Variants in HMGB1 observed in about 807,000 individuals in gnomAD.
The protein encoded by HMGB1 is high mobility group protein B1.
For synonymous variants in HMGB1, 81 were observed against 84.0 expected (o/e 0.96, Z 0.19); for missense variants, 79 against 253.5 (o/e 0.31, Z 4.67).
intron 1 of HMGB1, among the ~76,000 whole-genome samples, chr13:30,572,335 T>C (rs74438500): frequency 0.01 from 1,557 of 152,342 alleles, 33 homozygotes; most frequent in African/African-American, 0.035. Context: ...TGTAATGACA[T>C]TGGAATTGAT....
At chr13:30,480,949 A>G (rs934440127) in intron 1 of HMGB1, among the ~76,000 whole-genome samples, 5 of 151,838 alleles carry the variant, frequency 3.3e-5, no homozygotes, top group African/African-American at 1.2e-4. Flanking sequence ...TCCCAAGCAG[A>G]AGAATGGATT....
At chr13:30,594,840 G>T (rs1361868911) in intron 1 of HMGB1, among the ~76,000 whole-genome samples, 2 of 152,160 alleles carry the variant, frequency 1.3e-5, no homozygotes, top group East Asian at 3.9e-4. Context: ...GCGTGTAAGT[G>T]TTCCCTTTTC....
intron 1 of HMGB1, among the ~76,000 whole-genome samples, chr13:30,613,759 T>C (rs941298847): frequency 6.6e-6 from 1 of 152,134 alleles, no homozygotes; most frequent in African/African-American, 2.4e-5. Flanking sequence ...TATACAATAC[T>C]GGCATGGAGA....
At chr13:30,505,610 C>CATTTTTA (rs1887845756) in intron 1 of HMGB1, among the ~76,000 whole-genome samples, 11 of 151,940 alleles carry the variant, frequency 7.2e-5, no homozygotes, top group African/African-American at 2.2e-4. Context: ...CATGCCCGAC[C>CATTTTTA]TATTTTTCAA....
Position 30,497,126 on chromosome 13 carries a change from C to G in HMGB1, c.-14-33432G>C, listed in dbSNP as rs188531110. On this transcript the variant is annotated intron_variant, in intron 1 of 4. Coordinates refer to the HMGB1 transcript ENST00000405805. ...CGCTGGCTCCTTCCTCTTCACGTTT[C>G]ACTGTAACCAGGACCCTTCAATGCA... Among the ~76,000 whole-genome samples, 1,183 of 152,226 alleles carry G rather than the reference C, an allele frequency of 7.8e-3. 6 individuals carry two copies. Among genetic ancestry groups the G allele is most frequent in the Middle Eastern group, 0.034 (10 of 294 alleles).
intron 1 of HMGB1, chr13:30,542,977 C>T (rs1201611876): frequency 6.5e-6 from 1 of 152,774 alleles, no homozygotes; most frequent in Non-Finnish European, 1.5e-5. Flanking sequence ...TTCCTTTCCG[C>T]CAAGGTGCAC....
At chr13:30,494,902 G>A (rs367570484) in intron 1 of HMGB1, among the ~76,000 whole-genome samples, 94 of 152,028 alleles carry the variant, frequency 6.2e-4, no homozygotes, top group African/African-American at 2.1e-3. Context: ...ATATTCCACC[G>A]CATATAAGAG....
intron 1 of HMGB1, among the ~76,000 whole-genome samples, chr13:30,593,434 C>T (rs1871454694): frequency 6.6e-6 from 1 of 152,136 alleles, no homozygotes; most frequent in African/African-American, 2.4e-5. Flanking sequence ...CAGAAAGATA[C>T]CACTGGCTTT....
At chr13:30,561,305 A>T (rs1375855725) in intron 1 of HMGB1, among the ~76,000 whole-genome samples, 1 of 152,176 alleles carries the variant, frequency 6.6e-6, no homozygotes, top group Non-Finnish European at 1.5e-5. Context: ...AAGATCATGG[A>T]GGTAGCTGAG....
At chr13:30,565,318 T>TACCATCAG (rs1202468649) in intron 1 of HMGB1, among the ~76,000 whole-genome samples, 3 of 152,194 alleles carry the variant, frequency 2.0e-5, no homozygotes, top group Non-Finnish European at 2.9e-5. Flanking sequence ...CGCCCACTTT[T>TACCATCAG]ACCATCAGGA....
intron 1 of HMGB1, among the ~76,000 whole-genome samples, chr13:30,475,134 CTCTCTTTT>C (rs1213469261): frequency 2.2e-4 from 10 of 45,702 alleles, no homozygotes; most frequent in East Asian, 7.3e-4. Context: ...CTCTCTCTCT[CTCTCTTTT>C]TTTTTTTTTT....
chr13:30,504,633 G>A (rs1887809323), intron 1 of HMGB1, among the ~76,000 whole-genome samples: 1 of 152,208 alleles, frequency 6.6e-6, no homozygotes, highest in African/African-American at 2.4e-5. Flanking sequence ...CTTAGATCAG[G>A]GGAAGGTTTA....
chr13:30,534,263 T>C (rs1233915776), intron 1 of HMGB1, among the ~76,000 whole-genome samples: 1 of 152,234 alleles, frequency 6.6e-6, no homozygotes, highest in Non-Finnish European at 1.5e-5. Context: ...CCATTTCCCC[T>C]GCTCACTCAG....
intron 1 of HMGB1, among the ~76,000 whole-genome samples, chr13:30,500,436 C>T (rs1887708310): frequency 6.6e-6 from 1 of 151,998 alleles, no homozygotes; most frequent in Non-Finnish European, 1.5e-5. Context: ...GTGGTGCAAT[C>T]ATGGCTCACC....
At chr13:30,611,393 A>G (rs900470123) in intron 1 of HMGB1, among the ~76,000 whole-genome samples, 1 of 152,020 alleles carries the variant, frequency 6.6e-6, no homozygotes, top group Admixed American at 6.6e-5. Flanking sequence ...CGAACTCCTG[A>G]CCTCGTGATC....
intron 1 of HMGB1, among the ~76,000 whole-genome samples, chr13:30,593,964 C>A (rs1871485833): frequency 6.6e-6 from 1 of 152,102 alleles, no homozygotes; most frequent in South Asian, 2.1e-4. Context: ...AACTGGATTA[C>A]AATAGTAGAG....
chr13:30,482,936 C>T (rs1887267713), intron 1 of HMGB1, among the ~76,000 whole-genome samples: 2 of 144,192 alleles, frequency 1.4e-5, no homozygotes, highest in African/African-American at 5.2e-5. Context: ...TACAAGTGCA[C>T]ACCACCAACA....
intron 1 of HMGB1, among the ~76,000 whole-genome samples, chr13:30,585,841 G>A (rs1468108918): frequency 1.3e-5 from 2 of 152,094 alleles, no homozygotes; most frequent in Middle Eastern, 3.4e-3. Context: ...CAGACTAAGG[G>A]GAAAAAACTG....
At chr13:30,608,468 C>T (rs1199161573) in intron 1 of HMGB1, among the ~76,000 whole-genome samples, 1 of 152,158 alleles carries the variant, frequency 6.6e-6, no homozygotes, top group Non-Finnish European at 1.5e-5. Flanking sequence ...CTCTTTCATA[C>T]TCCACATAAA....
Sources: gnomAD v4.1 joint callset for allele counts (sites outside exome capture counted in the v4.1 genomes callset) on GRCh38, gnomAD v4.1.1 for gene constraint, MANE v1.5 for transcripts, NCBI Gene and HGNC (gene_info 2026-07-23, HGNC 2026-07-21) for gene names.